SLC26A5: variants seen among roughly 807,000 people sequenced by gnomAD.
SLC26A5 encodes prestin.
A neutral mutation model predicts 81.0 loss-of-function variants in SLC26A5; 51 were observed. The observed-to-expected ratio is 0.63, with a 90% CI of 0.50 to 0.80. SLC26A5 has a LOEUF of 0.80. SLC26A5 is among the 30% of genes least tolerant of loss of function. The pLI is 0.00. For missense variants in SLC26A5, 771 were observed against 905.8 expected, an observed-to-expected ratio of 0.85 and a Z score of 1.91; for synonymous variants, 325 against 332.8, an observed-to-expected ratio of 0.98 and a Z score of 0.25.
At chr7:103,375,101 C>G (rs983222461) in intron 19 of SLC26A5, among the ~76,000 whole-genome samples, 1 of 145,558 alleles carries the variant, frequency 6.9e-6, no homozygotes, top group African/African-American at 2.5e-5. Context: ...CATATATATA[C>G]ATATATATAT....
intron 8 of SLC26A5, 108 bp downstream of exon 8, chr7:103,407,743 G>T: frequency 2.4e-6 from 3 of 1,257,266 alleles, no homozygotes; most frequent in Admixed American, 2.1e-5. Flanking sequence ...ACCTTCTTTT[G>T]GCAGAATTGA....
In SLC26A5 at chr7:103,376,850, AT is replaced by A; in HGVS notation, c.1998del (p.Glu666AspfsTer11). The part of the protein sequence containing the change: ...GVKTLAGIVK[E>X]YGDVGIYVYL... ...TATACATATATACCGACGTCTCCATATTCTTTTACAATCTGTAATAATGTTG... is the reference window on the plus strand; with the variant it reads ...TATACATATATACCGACGTCTCCATATCTTTTACAATCTGTAATAATGTTG... On this transcript the variant is annotated frameshift_variant, in exon 19 of 20. Transcript: ENST00000306312. LOFTEE classifies it high-confidence loss of function. The A allele has an allele frequency of 2.5e-6, 4 of 1,600,112 alleles. No individual in the cohort carries two copies. Among genetic ancestry groups the A allele is most frequent in the Non-Finnish European group, 3.4e-6 (4 of 1,167,702 alleles).
At chr7:103,440,637 C>T (rs1826806357) in intron 2 of SLC26A5, among the ~76,000 whole-genome samples, 1 of 152,120 alleles carries the variant, frequency 6.6e-6, no homozygotes, top group African/African-American at 2.4e-5. Flanking sequence ...TCTTTGGGAA[C>T]AACGATCAGC....
At chr7:103,381,254 C>G (rs1821759328) in intron 14 of SLC26A5, among the ~76,000 whole-genome samples, 1 of 151,458 alleles carries the variant, frequency 6.6e-6, no homozygotes, top group African/African-American at 2.4e-5. Context: ...CACACACATA[C>G]AATGTATACA....
At chr7:103,391,346 T>C (rs1052441266) in intron 11 of SLC26A5, among the ~76,000 whole-genome samples, 2 of 152,218 alleles carry the variant, frequency 1.3e-5, no homozygotes, top group African/African-American at 4.8e-5. Context: ...GTCTCAGGCT[T>C]TCATAACAAT....
intron 14 of SLC26A5, among the ~76,000 whole-genome samples, chr7:103,385,813 A>G (rs1822148942): frequency 6.9e-6 from 1 of 145,892 alleles, no homozygotes. Flanking sequence ...TGATCCTCCC[A>G]CCTCAGCCTT....
chr7:103,375,199 C>T (rs1319016778), intron 19 of SLC26A5, among the ~76,000 whole-genome samples: 2 of 148,984 alleles, frequency 1.3e-5, no homozygotes, highest in African/African-American at 2.5e-5. Context: ...AATTCTGAAC[C>T]CTTTTTGCTT....
rs529209178 is a variant in SLC26A5, at chr7:103,379,396, A to G, written c.1585-61T>C. ...AAATATTTCAGAATCAAAACTGCAT[A>G]GCTTCCCCACCCCAAATAGAAAATG... On this transcript the variant is annotated intron_variant, in intron 15 of 19. Transcript: ENST00000306312. The G allele has an allele frequency of 1.1e-4, 119 of 1,097,930 alleles. 1 individual carries two copies. In the African/African-American group the frequency reaches 1.4e-3, roughly 13 times the overall value. The allele number at this position is 1,097,930 out of a possible 1,614,324, so 68.0% of individuals were successfully genotyped here. A position where few individuals can be genotyped will look rare whatever the true frequency, so the allele number is the denominator to read the frequency against.
chr7:103,424,489 G>C (rs1210702606), intron 2 of SLC26A5, among the ~76,000 whole-genome samples: 1 of 152,162 alleles, frequency 6.6e-6, no homozygotes, highest in East Asian at 1.9e-4. Flanking sequence ...TGCATGCCAT[G>C]CTTCCTCTCT....
chr7:103,411,280 T>C (rs559290887), intron 6 of SLC26A5, 140 bp downstream of exon 6: 6 of 845,004 alleles, frequency 7.1e-6, no homozygotes, highest in South Asian at 6.9e-5. Flanking sequence ...GGCATGCAGT[T>C]GGTCTGCAGT....
At chr7:103,411,668 G>T in intron 5 of SLC26A5, 82 bp from the exon 6 acceptor site, 6 of 1,478,020 alleles carry the variant, frequency 4.1e-6, no homozygotes, top group South Asian at 1.1e-5. Flanking sequence ...AGAGACAAAG[G>T]TGAGGTCAAG....
At chr7:103,404,189 A>C (rs565031274) in intron 8 of SLC26A5, among the ~76,000 whole-genome samples, 110 of 152,308 alleles carry the variant, frequency 7.2e-4, no homozygotes, top group Middle Eastern at 3.4e-3. Context: ...GTCTCAAAAA[A>C]AAAAAATATT....
At position 103,421,365 on chromosome 7, in the gene SLC26A5, G is replaced by A; in HGVS notation, c.150C>T (p.Phe50=). 1.2e-6 allele frequency: 2 copies of A among 1,614,024 alleles called. No individual in the cohort carries two copies. Among genetic ancestry groups the A allele is most frequent in the South Asian group, 2.2e-5 (2 of 91,072 alleles). The change falls in exon 3 of 20, where the codon TTC becomes TTT. Residue 50 remains phenylalanine, a splice_region_variant and synonymous_variant. Coordinates refer to ENST00000306312, the MANE Select transcript of SLC26A5 (RefSeq NM_198999.3). ...AAACAGGTTAAAAGGCAACGTACGT[G>A]AATGCCTGTTTCAGCTTATCCGCAA... ...DSIADKLKQA[F]TCTPKKIRNI... is the part of the protein sequence containing the mutation.
chr7:103,392,260 A>G (rs750062984), intron 10 of SLC26A5, among the ~76,000 whole-genome samples: 8 of 152,218 alleles, frequency 5.3e-5, no homozygotes, highest in Non-Finnish European at 1.2e-4. Context: ...TGAAATAGAC[A>G]TTGTTATGTC....
intron 7 of SLC26A5, among the ~76,000 whole-genome samples, chr7:103,409,330 T>C (rs1360596785): frequency 1.3e-5 from 2 of 152,268 alleles, no homozygotes; most frequent in African/African-American, 4.8e-5. Context: ...TTTTCAAGGA[T>C]AGCTTTAACA....
chr7:103,362,357 T>G lies in SLC26A5; in HGVS notation c.2042-9431A>C, dbSNP rs973562658. 13 of 1,351,184 alleles carry G rather than the reference T, an allele frequency of 9.6e-6. No individual in the cohort carries two copies. The African/African-American group carries it at 1.3e-4, about 14-fold the overall frequency. The allele number at this position is 1,351,184 out of a possible 1,614,324, so 83.7% of individuals were successfully genotyped here. A position where few individuals can be genotyped will look rare whatever the true frequency, so the allele number is the denominator to read the frequency against. Reference sequence around the variant, plus strand: ...TACCAGTCCATTTAAGGTAACATGGTATAGGTTGGGGGAGTACTTGCTTTA... The same window carrying G: ...TACCAGTCCATTTAAGGTAACATGGGATAGGTTGGGGGAGTACTTGCTTTA... On this transcript the variant is annotated intron_variant, in intron 19 of 19. Coordinates refer to the SLC26A5 transcript ENST00000339444.
Position 103,360,202 on chromosome 7 carries a change from T to C in SLC26A5, c.2042-7276A>G, listed in dbSNP as rs114847990. On this transcript the variant is annotated intron_variant, in intron 19 of 19. Transcript: ENST00000339444. ...AATGTCATACATAAGGGAAAATGCA[T>C]TTCATAATGTTTTGCATCTCATAAC... 3.7e-3 allele frequency among the ~76,000 whole-genome samples: 571 copies of C among 152,282 alleles called. 4 individuals are homozygous for C. Among genetic ancestry groups the C allele is most frequent in the African/African-American group, 0.014 (562 of 41,538 alleles).
Position 103,367,409 on chromosome 7 carries a change from T to C in SLC26A5, c.2041+9399A>G. ...AGAGCTTATCTTTCCTTTTGTCTTC[T>C]CAGGGGCTCGTTTTGATGATGGTGC... On this transcript the variant is annotated intron_variant, in intron 19 of 19. Coordinates refer to the SLC26A5 transcript ENST00000339444. The surrounding 1 kb of genome is among the most constrained non-coding windows in gnomAD (Gnocchi z 6.1). 2 of 1,613,332 alleles carry C rather than the reference T, an allele frequency of 1.2e-6. No homozygotes were observed. Among genetic ancestry groups the C allele is most frequent in the Admixed American group, 1.7e-5 (1 of 60,016 alleles).
At chr7:103,442,787 G>A (rs1826975768) in intron 2 of SLC26A5, among the ~76,000 whole-genome samples, 1 of 152,184 alleles carries the variant, frequency 6.6e-6, no homozygotes. Flanking sequence ...TACAAATCCA[G>A]TAAGCATCTA....
Sources: allele counts gnomAD v4.1 joint callset (sites outside exome capture counted in the v4.1 genomes callset), GRCh38; gene constraint gnomAD v4.1.1; non-coding constraint Gnocchi (gnomAD v3.1); transcripts MANE v1.5; gene names NCBI Gene and HGNC (gene_info 2026-07-23, HGNC 2026-07-21).